Variants in AIRE observed in about 807,000 individuals in gnomAD.
AIRE encodes autoimmune polyendocrinopathy candidiasis ectodermal dystrophy protein.
In AIRE, 52 loss-of-function variants were observed where a neutral mutation model predicts 62.1. The observed-to-expected ratio is 0.84, with a 90% CI of 0.67 to 1.06. The LOEUF is 1.06. Among genes scored for constraint, AIRE ranks in the 50% least tolerant of loss-of-function variants. The pLI is 0.00. For missense variants in AIRE, 774 were observed against 755.8 expected (o/e 1.02, Z -0.28); for synonymous variants, 342 against 321.6 (o/e 1.06, Z -0.68).
At chr21:44,291,918 G>T (rs376244719) in intron 8 of AIRE, among the ~76,000 whole-genome samples, 2 of 152,160 alleles carry the variant, frequency 1.3e-5, no homozygotes, top group African/African-American at 4.8e-5. Flanking sequence ...CCTCCTTGCC[G>T]TCTCTTTCTG....
At position 44,291,076 on chromosome 21, in the gene AIRE, C is replaced by A. The variant is rs768876713; in HGVS notation, c.880-19C>A. On this transcript the variant is annotated intron_variant, in intron 7 of 13. Transcript: ENST00000291582. ...TGCACCCCAGCCCAGTCTGCATGGG[C>A]GTCTCTTGCCTGTGCCAGAAGAATG... 14 of 1,613,102 alleles carry A rather than the reference C, an allele frequency of 8.7e-6. No homozygotes were observed. Among genetic ancestry groups the A allele is most frequent in the Non-Finnish European group, 1.2e-5 (14 of 1,179,828 alleles).
In AIRE at chr21:44,286,438, G is replaced by C. The variant is rs908710614; in HGVS notation, c.133-119G>C. ...ACCACAAGCCGAGGAGATGGGCGTG[G>C]AGCTGTCCAGGTCGCCAGCGCCTCT... On this transcript the variant is annotated intron_variant, in intron 1 of 13. Coordinates refer to ENST00000291582, the MANE Select transcript of AIRE (RefSeq NM_000383.4). The surrounding 1 kb of genome is among the most constrained non-coding windows in gnomAD (Gnocchi z 6.0). 6 of 1,158,632 alleles carry C rather than the reference G, an allele frequency of 5.2e-6. No individual in the cohort carries two copies. In the African/African-American group the frequency reaches 9.3e-5, roughly 18 times the overall value. The allele number at this position is 1,158,632 out of a possible 1,614,324, so 71.8% of individuals were successfully genotyped here. A position where few individuals can be genotyped will look rare whatever the true frequency, so the allele number is the denominator to read the frequency against.
chr21:44,294,964 G>A (rs1430356726), intron 12 of AIRE, among the ~76,000 whole-genome samples: 2 of 152,242 alleles, frequency 1.3e-5, no homozygotes, highest in Non-Finnish European at 2.9e-5. Context: ...GGTCCAGCCA[G>A]TAGCTCTTCC....
Position 44,286,524 on chromosome 21 carries a change from C to T in AIRE, c.133-33C>T, listed in dbSNP as rs773495940. 1 of 1,595,264 alleles carries T rather than the reference C, an allele frequency of 6.3e-7. No homozygotes were observed. Among genetic ancestry groups the T allele is most frequent in the Non-Finnish European group, 8.6e-7 (1 of 1,167,904 alleles). On this transcript the variant is annotated intron_variant, in intron 1 of 13. Coordinates refer to ENST00000291582, the MANE Select transcript of AIRE (RefSeq NM_000383.4). This position sits in a 1 kb window ranked among gnomAD's most constrained non-coding sequence, Gnocchi z 6.0. The stretch of plus-strand genomic sequence containing the variant: ...GGGCAGGCCGCAGGGTGTGGGGGAC[C>T]ATGGCAGGGACCCTCATGCCACCCC...
At chr21:44,291,057 C>T in intron 7 of AIRE, 38 bp from the exon 8 acceptor site, 1 of 1,613,430 alleles carries the variant, frequency 6.2e-7, no homozygotes, top group Non-Finnish European at 8.5e-7. Context: ...GTGCTGCACC[C>T]CAGCCCAGTC....
rs1355341545 is a variant in AIRE at position 44,296,264 on chromosome 21, G to C, written c.1504-119G>C. 3 of 954,000 alleles carry C rather than the reference G, an allele frequency of 3.1e-6. No individual in the cohort carries two copies. In the East Asian group the frequency reaches 7.2e-5, roughly 23 times the overall value. 59.1% of individuals were successfully genotyped at this position (954,000 alleles called of 1,614,324 possible). A position where few individuals can be genotyped will look rare whatever the true frequency, so the allele number is the denominator to read the frequency against. On this transcript the variant is annotated intron_variant, in intron 12 of 13. Transcript: ENST00000291582. ...GCCCCCACCCCCAGTGGAGCTGGGT[G>C]TAAGAATTCCCATCTCAGTGTGGGG... is the stretch of plus-strand genomic sequence containing the variant.
At position 44,287,647 on chromosome 21, in the gene AIRE, AG is replaced by A; in HGVS notation, c.538+60del. On this transcript the variant is annotated intron_variant, in intron 4 of 13. Coordinates refer to ENST00000291582, the MANE Select transcript of AIRE (RefSeq NM_000383.4). This position sits in a 1 kb window ranked among gnomAD's most constrained non-coding sequence, Gnocchi z 4.3. ...TCTCCCTGGCCAGGGGCAAGGGGTC[AG>A]GGGTCAGAGCAGGGCCTGCCCTCTG... 6.7e-7 allele frequency: 1 copy of A among 1,500,402 alleles called. No individual in the cohort carries two copies. The highest frequency in any genetic ancestry group is 1.2e-5 in the South Asian group (1 of 82,940). 92.9% of individuals were successfully genotyped at this position (1,500,402 alleles called of 1,614,324 possible). A position where few individuals can be genotyped will look rare whatever the true frequency, so the allele number is the denominator to read the frequency against.
At chr21:44,294,760 G>A (rs1232102995) in intron 12 of AIRE, among the ~76,000 whole-genome samples, 2 of 152,326 alleles carry the variant, frequency 1.3e-5, no homozygotes, top group Non-Finnish European at 2.9e-5. Flanking sequence ...CTGTGTGGCC[G>A]CCTCACAGCA....
intron 9 of AIRE, among the ~76,000 whole-genome samples, chr21:44,292,764 G>C (rs1022502896): frequency 6.6e-6 from 1 of 152,160 alleles, no homozygotes; most frequent in African/African-American, 2.4e-5. Flanking sequence ...GGGCCAGGGG[G>C]CCCCCCGTGT....
In AIRE at chr21:44,297,060, G is replaced by A. The variant is rs2040617114; in HGVS notation, c.1567-596G>A. 6.6e-6 allele frequency among the ~76,000 whole-genome samples: 1 copy of A among 152,220 alleles called. No homozygotes were observed. The highest frequency in any genetic ancestry group is 1.5e-5 in the Non-Finnish European group (1 of 68,016). ...GGGCAGGGGTTCTGCCCTGTGCAGT[G>A]GCCGTGCCCCACACACCCTGACCGT... is the stretch of plus-strand genomic sequence containing the variant. On this transcript the variant is annotated intron_variant, in intron 13 of 13. Coordinates refer to ENST00000291582, the MANE Select transcript of AIRE (RefSeq NM_000383.4). The surrounding 1 kb of genome is among the most constrained non-coding windows in gnomAD (Gnocchi z 4.8).
In AIRE at chr21:44,294,367, C is replaced by G. The variant is rs534649469; in HGVS notation, c.1401-34C>G. ...CCCGGAGGTGGCACTCCTGCTCCCCCCCAGGGCTGGCAGCCCCTCATCCTC... is the reference window on the plus strand; with the variant it reads ...CCCGGAGGTGGCACTCCTGCTCCCCGCCAGGGCTGGCAGCCCCTCATCCTC... On this transcript the variant is annotated intron_variant, in intron 11 of 13. Transcript: ENST00000291582. 5.7e-5 allele frequency: 84 copies of G among 1,472,052 alleles called. No individual in the cohort carries two copies. In the Middle Eastern group the frequency reaches 1.0e-3, roughly 18 times the overall value. The allele number at this position is 1,472,052 out of a possible 1,614,324, so 91.2% of individuals were successfully genotyped here.
At position 44,287,452 on chromosome 21, in the gene AIRE, C is replaced by G; in HGVS notation, c.464-65C>G. On this transcript the variant is annotated intron_variant, in intron 3 of 13. Coordinates refer to ENST00000291582, the MANE Select transcript of AIRE (RefSeq NM_000383.4). The surrounding 1 kb of genome is among the most constrained non-coding windows in gnomAD (Gnocchi z 4.3). The stretch of plus-strand genomic sequence containing the variant: ...CCTCCACGCCCTCCCACCGCGGGCC[C>G]CTGCCCACCGGCACTCACCCCCACT... 1 of 1,221,650 alleles carries G rather than the reference C, an allele frequency of 8.2e-7. No homozygotes were observed. The highest frequency in any genetic ancestry group is 1.2e-6 in the Non-Finnish European group (1 of 849,500). The allele number at this position is 1,221,650 out of a possible 1,614,324, so 75.7% of individuals were successfully genotyped here.
At position 44,290,588 on chromosome 21, in the gene AIRE, G is replaced by A. The variant is rs1033076240; in HGVS notation, c.880-507G>A. 5.3e-5 allele frequency: 38 copies of A among 714,044 alleles called. 1 individual carries two copies. The highest frequency in any genetic ancestry group is 6.4e-5 in the Non-Finnish European group (37 of 582,608). The allele number at this position is 714,044 out of a possible 1,614,324, so 44.2% of individuals were successfully genotyped here. On this transcript the variant is annotated intron_variant, in intron 7 of 13. Coordinates refer to ENST00000291582, the MANE Select transcript of AIRE (RefSeq NM_000383.4). ...CGGGCTGGTGGGCGTCTGGGGGATT[G>A]TTAGAATGAGTGAGGTCATTGCCGT...
At position 44,285,985 on chromosome 21, in the gene AIRE, C is replaced by A; in HGVS notation, c.-22C>A. 1 of 1,525,398 alleles carries A rather than the reference C, an allele frequency of 6.6e-7. No individual in the cohort carries two copies. Among genetic ancestry groups the A allele is most frequent in the South Asian group, 1.2e-5 (1 of 83,510 alleles). The allele number at this position is 1,525,398 out of a possible 1,614,324, so 94.5% of individuals were successfully genotyped here. A position where few individuals can be genotyped will look rare whatever the true frequency, so the allele number is the denominator to read the frequency against. On this transcript the variant is annotated 5_prime_UTR_variant, in exon 1 of 14. Coordinates refer to ENST00000291582, the MANE Select transcript of AIRE (RefSeq NM_000383.4). ...CGGGACCCACCGCGTCCGCCCCAGC[C>A]CCGGGTCCCCGCGCCCACCCCATGG... is the stretch of plus-strand genomic sequence containing the variant.
chr21:44,290,603 G>C (rs1189387093), intron 7 of AIRE: 2 of 701,152 alleles, frequency 2.9e-6, no homozygotes, highest in African/African-American at 3.9e-5. Flanking sequence ...AATGAGTGAG[G>C]TCATTGCCGT....
In AIRE at chr21:44,286,173, C is replaced by G; in HGVS notation, c.132+35C>G. On this transcript the variant is annotated intron_variant, in intron 1 of 13. Transcript: ENST00000291582. This position sits in a 1 kb window ranked among gnomAD's most constrained non-coding sequence, Gnocchi z 6.0. Reference sequence around the variant, plus strand: ...CCGCCCGCCCCCCGCTGCCCCCAGGCCCTGTGAGCCAGGGATAGTCCCCGG... The same window carrying G: ...CCGCCCGCCCCCCGCTGCCCCCAGGGCCTGTGAGCCAGGGATAGTCCCCGG... The G allele has an allele frequency of 6.5e-7, 1 of 1,532,758 alleles. No homozygotes were observed. The highest frequency in any genetic ancestry group is 8.8e-7 in the Non-Finnish European group (1 of 1,138,536). 94.9% of individuals were successfully genotyped at this position (1,532,758 alleles called of 1,614,324 possible).
rs572223355 is a variant in AIRE at position 44,289,590 on chromosome 21, C to T, written c.653-67C>T. On this transcript the variant is annotated intron_variant, in intron 5 of 13. Transcript: ENST00000291582. ...GTCTCTGCTAGACCCCACCCTGGGG[C>T]CTACACGACTGCCAAGGCAGGTCCT... is the stretch of plus-strand genomic sequence containing the variant. The T allele has an allele frequency of 3.6e-5, 58 of 1,600,128 alleles. 1 individual carries two copies. The South Asian group carries it at 6.3e-4, about 17-fold the overall frequency.
At position 44,287,340 on chromosome 21, in the gene AIRE, T is replaced by C; in HGVS notation, c.464-177T>C. 1 of 731,084 alleles carries C rather than the reference T, an allele frequency of 1.4e-6. No individual in the cohort carries two copies. Among genetic ancestry groups the C allele is most frequent in the South Asian group, 1.8e-5 (1 of 55,568 alleles). 45.3% of individuals were successfully genotyped at this position (731,084 alleles called of 1,614,324 possible). On this transcript the variant is annotated intron_variant, in intron 3 of 13. Transcript: ENST00000291582. The surrounding 1 kb of genome is among the most constrained non-coding windows in gnomAD (Gnocchi z 4.3). ...GCCTGAAGGCTGAGCTCCCCGGAGC[T>C]GGTGAAGTAGGCGGGCGGGTCTCAT...
rs369136366 is a variant in AIRE, at chr21:44,293,770, G to A, written c.1279-19G>A. ...TTCCCCCGGCCCCCCGCGTCACCCCGCGCTGTTGCCTCCCACAGAACCTGG... is the reference window on the plus strand; with the variant it reads ...TTCCCCCGGCCCCCCGCGTCACCCCACGCTGTTGCCTCCCACAGAACCTGG... On this transcript the variant is annotated intron_variant, in intron 10 of 13. Transcript: ENST00000291582. 522 of 1,595,672 alleles carry A rather than the reference G, an allele frequency of 3.3e-4. No individual in the cohort carries two copies. Among genetic ancestry groups the A allele is most frequent in the Non-Finnish European group, 4.0e-4 (467 of 1,179,406 alleles).
Sources: allele counts gnomAD v4.1 joint callset (sites outside exome capture counted in the v4.1 genomes callset), GRCh38; gene constraint gnomAD v4.1.1; non-coding constraint Gnocchi (gnomAD v3.1); transcripts MANE v1.5; gene names NCBI Gene and HGNC (gene_info 2026-07-23, HGNC 2026-07-21).